Variants in ERCC6 observed in about 807,000 individuals in gnomAD.
The protein encoded by ERCC6 is ERCC excision repair 6, chromatin remodeling factor.
ERCC6 carries 116 observed loss-of-function variants against 158.7 expected under a neutral mutation model. That is an observed-to-expected ratio of 0.73 (90% CI 0.63 to 0.85). ERCC6 has a LOEUF of 0.85. Ranked by LOEUF, ERCC6 falls within the 40% of genes least tolerant of loss-of-function variation. The probability of loss-of-function intolerance (pLI) is 0.00; values close to 1 mark genes in which losing one functional copy is unlikely to be tolerated. For synonymous variants in ERCC6, 678 were observed against 659.3 expected, an observed-to-expected ratio of 1.03 and a Z score of -0.43; for missense variants, 1,698 against 1,799.4, an observed-to-expected ratio of 0.94 and a Z score of 1.02.
At chr10:49,516,538 C>A in intron 5 of ERCC6, 1 of 1,614,048 alleles carries the variant, frequency 6.2e-7, no homozygotes, top group Non-Finnish European at 8.5e-7. Flanking sequence ...GGAACTGAGA[C>A]ATAACCACTC....
intron 5 of ERCC6, among the ~76,000 whole-genome samples, chr10:49,508,024 G>C (rs1244362882): frequency 6.6e-6 from 1 of 151,858 alleles, no homozygotes; most frequent in Non-Finnish European, 1.5e-5. Flanking sequence ...AAATTCAGCA[G>C]TCGAGGAGTT....
intron 8 of ERCC6, among the ~76,000 whole-genome samples, chr10:49,490,914 T>A (rs1455368393): frequency 6.6e-6 from 1 of 152,120 alleles, no homozygotes; most frequent in African/African-American, 2.4e-5. Context: ...GATAAGGAAG[T>A]CAGGCATTAG....
downstream of ERCC6, among the ~76,000 whole-genome samples, chr10:49,452,776 T>C (rs1430062134): frequency 6.6e-6 from 1 of 152,200 alleles, no homozygotes; most frequent in South Asian, 2.1e-4. Context: ...TGTTTACAAC[T>C]GTTATATCTT....
At chr10:49,520,715 T>A (rs1373260970) in intron 5 of ERCC6, among the ~76,000 whole-genome samples, 1 of 152,156 alleles carries the variant, frequency 6.6e-6, no homozygotes, top group Non-Finnish European at 1.5e-5. Flanking sequence ...CGGAGCCCCC[T>A]GAATAGACTA....
intron 5 of ERCC6, 110 bp from the exon 6 acceptor site, chr10:49,506,122 T>C: frequency 1.6e-6 from 2 of 1,253,820 alleles, no homozygotes; most frequent in South Asian, 2.4e-5. Flanking sequence ...AACGGTCTCT[T>C]AGGTTAATGC....
At chr10:49,534,704 TCTA>T (rs1837557692) in intron 1 of ERCC6, among the ~76,000 whole-genome samples, 1 of 152,208 alleles carries the variant, frequency 6.6e-6, no homozygotes, top group South Asian at 2.1e-4. Flanking sequence ...AACTATCACA[TCTA>T]ATAAATATAT....
intron 8 of ERCC6, among the ~76,000 whole-genome samples, chr10:49,487,699 T>A (rs970048362): frequency 5.9e-5 from 9 of 152,214 alleles, no homozygotes; most frequent in African/African-American, 2.2e-4. Flanking sequence ...CCCAAATGTA[T>A]ACCACTGGAA....
At position 49,530,979 on chromosome 10, in the gene ERCC6, C is replaced by T; in HGVS notation, c.423-139G>A. On this transcript the variant is annotated intron_variant, in intron 2 of 20. Coordinates refer to ENST00000355832, the MANE Select transcript of ERCC6 (RefSeq NM_000124.4). ...AAGGAAACTAAACCAGAATACATAC[C>T]CTTATTGGCCACAAATAAAACTTGT... 5.8e-6 allele frequency: 7 copies of T among 1,205,458 alleles called. No individual in the cohort carries two copies. In the South Asian group the frequency reaches 7.3e-5, roughly 13 times the overall value. 74.7% of individuals were successfully genotyped at this position (1,205,458 alleles called of 1,614,324 possible).
chr10:49,509,308 C>T (rs544934244), intron 5 of ERCC6, among the ~76,000 whole-genome samples: 43 of 152,284 alleles, frequency 2.8e-4, no homozygotes, highest in African/African-American at 9.1e-4. Context: ...GAAATCCTCA[C>T]GACAACCCTG....
the ERCC6 span, among the ~76,000 whole-genome samples, chr10:49,447,591 T>TGAGGCAGGAGGCC: frequency 2.6e-5 from 4 of 151,604 alleles, no homozygotes; most frequent in Non-Finnish European, 4.4e-5. Context: ...CTTGGGAGGC[T>TGAGGCAGGAGGCC]GAGGCAGGAG....
chr10:49,455,540 A>T lies in ERCC6; in HGVS notation c.*3275T>A, dbSNP rs1320221463. On this transcript the variant is annotated 3_prime_UTR_variant, in exon 21 of 21. Coordinates refer to ENST00000355832, the MANE Select transcript of ERCC6 (RefSeq NM_000124.4). Reference sequence around the variant, plus strand: ...TGACAGCGTGAGGAGTGTGGTTGGTAGAACCAACACCTGGATCCACAGGAC... The same window carrying T: ...TGACAGCGTGAGGAGTGTGGTTGGTTGAACCAACACCTGGATCCACAGGAC... 6.6e-6 allele frequency: 1 copy of T among 152,266 alleles called. No individual in the cohort carries two copies. Among genetic ancestry groups the T allele is most frequent in the Non-Finnish European group, 1.5e-5 (1 of 68,046 alleles). 9.4% of individuals were successfully genotyped at this position (152,266 alleles called of 1,614,324 possible). A position where few individuals can be genotyped will look rare whatever the true frequency, so the allele number is the denominator to read the frequency against.
At chr10:49,536,724 A>G (rs1183109719) in intron 1 of ERCC6, among the ~76,000 whole-genome samples, 2 of 152,100 alleles carry the variant, frequency 1.3e-5, no homozygotes, top group Non-Finnish European at 2.9e-5. Flanking sequence ...ACTGCTAACA[A>G]TCTCCAGGGC....
chr10:49,538,066 T>C (rs962804469), intron 1 of ERCC6, among the ~76,000 whole-genome samples: 3 of 152,254 alleles, frequency 2.0e-5, no homozygotes, highest in Admixed American at 2.0e-4. Context: ...TTTTTGACTT[T>C]ATTTTTAACT....
chr10:49,476,511 G>A (rs4253189), intron 11 of ERCC6, among the ~76,000 whole-genome samples: 8 of 151,980 alleles, frequency 5.3e-5, no homozygotes, highest in African/African-American at 1.9e-4. Context: ...TCTGTCACTT[G>A]TCTACCTCCA....
the ERCC6 span, among the ~76,000 whole-genome samples, chr10:49,438,874 A>T: frequency 1.3e-5 from 2 of 152,208 alleles, no homozygotes; most frequent in Admixed American, 6.5e-5. Context: ...GGGCAGTCAA[A>T]TTTTAAAGCT....
intron 1 of ERCC6, among the ~76,000 whole-genome samples, chr10:49,533,861 C>T (rs561687766): frequency 6.5e-4 from 99 of 151,594 alleles, no homozygotes; most frequent in African/African-American, 2.1e-3. Flanking sequence ...AGGCTGGGCA[C>T]GATGGCTCAC....
rs1850465965 is a variant in ERCC6, at chr10:49,455,201, T to A, written c.*3614A>T. On this transcript the variant is annotated 3_prime_UTR_variant, in exon 21 of 21. Transcript: ENST00000355832. ...ATAAAACACCTAGGAATAAGCCTAT[T>A]ATGAAATGTGCAAGACATTTATGAA... 6.6e-6 allele frequency among the ~76,000 whole-genome samples: 1 copy of A among 152,202 alleles called. No individual in the cohort carries two copies. The highest frequency in any genetic ancestry group is 2.1e-4 in the South Asian group (1 of 4,834).
chr10:49,488,657 T>C (rs1564425707), intron 8 of ERCC6, among the ~76,000 whole-genome samples: 3 of 151,816 alleles, frequency 2.0e-5, no homozygotes, highest in African/African-American at 7.3e-5. Flanking sequence ...TTTTTTTTTT[T>C]TAAAGTTTTT....
the ERCC6 span, among the ~76,000 whole-genome samples, chr10:49,445,015 A>C: frequency 3.9e-5 from 6 of 152,220 alleles, no homozygotes; most frequent in Admixed American, 3.9e-4. Flanking sequence ...AGGAATGATG[A>C]GTTGATTTAA....
Sources: gnomAD v4.1 joint callset for allele counts (sites outside exome capture counted in the v4.1 genomes callset) on GRCh38, gnomAD v4.1.1 for gene constraint, MANE v1.5 for transcripts, NCBI Gene and HGNC (gene_info 2026-07-23, HGNC 2026-07-21) for gene names.